ASNS: variants seen among roughly 807,000 people sequenced by gnomAD.
ASNS encodes the protein asparagine synthetase [glutamine-hydrolyzing].
A neutral mutation model predicts 62.6 loss-of-function variants in ASNS; 37 were observed. The observed-to-expected ratio is 0.59, with a 90% CI of 0.45 to 0.78. The LOEUF is 0.78. Among genes scored for constraint, ASNS ranks in the 30% least tolerant of loss-of-function variants. The probability of loss-of-function intolerance (pLI) is 0.00; values close to 1 mark genes in which losing one functional copy is unlikely to be tolerated. For missense variants in ASNS, 520 were observed against 682.4 expected (o/e 0.76, Z 2.65); for synonymous variants, 207 against 237.9 (o/e 0.87, Z 1.19).
At chr7:97,917,836 C>A in the ASNS span, among the ~76,000 whole-genome samples, 24 of 152,276 alleles carry the variant, frequency 1.6e-4, no homozygotes, top group African/African-American at 4.3e-4. Context: ...CTGCCCTACA[C>A]GTGCTGACTG....
At chr7:97,858,781 C>A in intron 6 of ASNS, 73 bp downstream of exon 6, 1 of 1,388,004 alleles carries the variant, frequency 7.2e-7, no homozygotes, top group East Asian at 2.3e-5. Context: ...ATAGTAAAAA[C>A]CAAAGGGATG....
the ASNS span, among the ~76,000 whole-genome samples, chr7:97,880,651 G>T: frequency 6.6e-6 from 1 of 152,190 alleles, no homozygotes; most frequent in South Asian, 2.1e-4. Flanking sequence ...GGATCCCAGT[G>T]CATTTTGAGG....
At chr7:97,882,538 TTAAA>T in the ASNS span, among the ~76,000 whole-genome samples, 940 of 130,962 alleles carry the variant, frequency 7.2e-3, 4 homozygotes, top group Admixed American at 9.7e-3. Flanking sequence ...CAGAGAGAGA[TTAAA>T]TAAATAAATA....
the ASNS span, among the ~76,000 whole-genome samples, chr7:97,916,775 C>T: frequency 6.6e-6 from 1 of 152,200 alleles, no homozygotes; most frequent in African/African-American, 2.4e-5. Flanking sequence ...CTGGGGAAAG[C>T]TTTGCAGCCA....
At chr7:97,866,398 G>A (rs111714721) in intron 3 of ASNS, among the ~76,000 whole-genome samples, 3 of 152,130 alleles carry the variant, frequency 2.0e-5, no homozygotes, top group South Asian at 2.1e-4. Context: ...TGACGGTGGC[G>A]CTTTATTAGT....
rs1341227351 is a variant in ASNS at position 97,866,067 on chromosome 7, C to A, written c.250-1571G>T. Among the ~76,000 whole-genome samples, 52 of 152,118 alleles carry A rather than the reference C, an allele frequency of 3.4e-4. 1 individual carries two copies. Among genetic ancestry groups the A allele is most frequent in the Admixed American group, 3.3e-3 (50 of 15,266 alleles). On this transcript the variant is annotated intron_variant, in intron 3 of 12. Coordinates refer to ENST00000394308, the MANE Select transcript of ASNS (RefSeq NM_001673.5). The stretch of plus-strand genomic sequence containing the variant: ...AGATTTTCAGATTAGGGATGCTCAA[C>A]CTCTAAATTTAAGTTAAGATAATAG...
the ASNS span, chr7:97,898,732 G>A: frequency 1.0e-3 from 650 of 649,204 alleles, 1 homozygote; most frequent in African/African-American, 9.5e-3. Flanking sequence ...AGTAACCATC[G>A]GTAGTCTTGA....
At chr7:97,892,481 G>T in the ASNS span, among the ~76,000 whole-genome samples, 13 of 152,080 alleles carry the variant, frequency 8.5e-5, no homozygotes, top group Non-Finnish European at 1.6e-4. Flanking sequence ...CTATTGCATT[G>T]TCAGGCTGCA....
At chr7:97,865,777 C>T (rs546835133) in intron 3 of ASNS, among the ~76,000 whole-genome samples, 199 of 152,268 alleles carry the variant, frequency 1.3e-3, no homozygotes, top group African/African-American at 4.4e-3. Flanking sequence ...ACATAAGTCC[C>T]ATCTGTGGGG....
chr7:97,852,144 T>C lies in ASNS; in HGVS notation c.*115A>G. The C allele has an allele frequency of 8.4e-7, 1 of 1,191,510 alleles. No individual in the cohort carries two copies. Among genetic ancestry groups the C allele is most frequent in the Non-Finnish European group, 1.2e-6 (1 of 845,240 alleles). The allele number at this position is 1,191,510 out of a possible 1,614,324, so 73.8% of individuals were successfully genotyped here. ...CAGCAATGGTTTAGATTTAGGACTT[T>C]TATTTTTTTCACACCCAAGTTAGCC... is the stretch of plus-strand genomic sequence containing the variant. On this transcript the variant is annotated 3_prime_UTR_variant, in exon 13 of 13. Transcript: ENST00000394308.
At chr7:97,884,875 T>G in the ASNS span, among the ~76,000 whole-genome samples, 1 of 152,162 alleles carries the variant, frequency 6.6e-6, no homozygotes, top group Non-Finnish European at 1.5e-5. Context: ...CATGAGCAGT[T>G]TCCTGCCATT....
chr7:97,894,615 A>T, the ASNS span, among the ~76,000 whole-genome samples: 1 of 152,132 alleles, frequency 6.6e-6, no homozygotes, highest in Non-Finnish European at 1.5e-5. Context: ...AACAAATTGG[A>T]AAACCTAGAG....
At position 97,867,595 on chromosome 7, in the gene ASNS, ACC is replaced by A. The variant is rs542280110; in HGVS notation, c.249+1311_249+1312del. The stretch of plus-strand genomic sequence containing the variant: ...AAAGCCAAGCTGATAATGCCATAAT[ACC>A]ACCTAGCGTTCTCATGTATATGACA... On this transcript the variant is annotated intron_variant, in intron 3 of 12. Coordinates refer to ENST00000394308, the MANE Select transcript of ASNS (RefSeq NM_001673.5). 2.9e-3 allele frequency among the ~76,000 whole-genome samples: 445 copies of A among 152,302 alleles called. 5 individuals are homozygous for A. Among genetic ancestry groups the A allele is most frequent in the African/African-American group, 0.01 (416 of 41,580 alleles).
chr7:97,928,388 G>A, the ASNS span: 5 of 706,242 alleles, frequency 7.1e-6, no homozygotes, highest in African/African-American at 9.6e-5. Flanking sequence ...GCGCGGGCTC[G>A]GAGGGTCCGC....
chr7:97,882,072 G>T, the ASNS span, among the ~76,000 whole-genome samples: 2 of 151,920 alleles, frequency 1.3e-5, no homozygotes, highest in African/African-American at 4.8e-5. Context: ...GGTTGGTCTC[G>T]AACTTCTGGC....
chr7:97,895,248 T>A, the ASNS span, among the ~76,000 whole-genome samples: 1 of 152,202 alleles, frequency 6.6e-6, no homozygotes, highest in African/African-American at 2.4e-5. Context: ...ATGTGACAAA[T>A]CTACAGCTAA....
chr7:97,858,468 A>C, intron 6 of ASNS, 63 bp from the exon 7 acceptor site: 5 of 1,584,176 alleles, frequency 3.2e-6, no homozygotes, highest in Non-Finnish European at 4.3e-6. Flanking sequence ...CAGGGACAGA[A>C]GATGTATATT....
chr7:97,856,899 C>T (rs1248913189), intron 7 of ASNS, 83 bp from the exon 8 acceptor site: 1 of 1,380,672 alleles, frequency 7.2e-7, no homozygotes, highest in African/African-American at 1.5e-5. Flanking sequence ...GTTCACAAAG[C>T]TTTATGAATT....
chr7:97,913,460 C>T, the ASNS span, among the ~76,000 whole-genome samples: 1 of 152,170 alleles, frequency 6.6e-6, no homozygotes, highest in African/African-American at 2.4e-5. Flanking sequence ...AAAACATGTG[C>T]CTTTCGTATG....
Sources: gnomAD v4.1 joint callset for allele counts (sites outside exome capture counted in the v4.1 genomes callset) on GRCh38, gnomAD v4.1.1 for gene constraint, MANE v1.5 for transcripts, NCBI Gene and HGNC (gene_info 2026-07-23, HGNC 2026-07-21) for gene names.